LSM2: variants seen among roughly 807,000 people sequenced by gnomAD.
LSM2 encodes U6 snRNA-associated Sm-like protein LSm2.
A neutral mutation model predicts 17.0 loss-of-function variants in LSM2; 12 were observed. The ratio of observed to expected loss-of-function variants is 0.70; its 90% CI spans 0.45 to 1.14. The LOEUF is 1.14. Among genes scored for constraint, LSM2 ranks in the 50% most tolerant of loss-of-function variants. The pLI is 0.00. For missense variants in LSM2, 62 were observed against 111.8 expected (o/e 0.55, Z 2.01); for synonymous variants, 42 against 44.5 (o/e 0.94, Z 0.22).
chr6:31,805,087 CAG>C (rs1814946473), intron 2 of LSM2, among the ~76,000 whole-genome samples: 3 of 148,708 alleles, frequency 2.0e-5, no homozygotes, highest in Admixed American at 1.3e-4. Context: ...TTTTTTGAGA[CAG>C]AGTCTTCCTC....
intron 2 of LSM2, 48 bp from the exon 3 acceptor site, chr6:31,798,555 T>G: frequency 6.2e-7 from 1 of 1,606,302 alleles, no homozygotes; most frequent in Non-Finnish European, 8.5e-7. Flanking sequence ...TATAACAAAG[T>G]CAACATAGAG....
At chr6:31,803,583 CTTT>C (rs777600870) in intron 2 of LSM2, among the ~76,000 whole-genome samples, 1 of 142,144 alleles carries the variant, frequency 7.0e-6, no homozygotes, top group Admixed American at 7.1e-5. Flanking sequence ...TTTAAATGTA[CTTT>C]TTTTTTTTTT....
intron 4 of LSM2, 31 bp from the exon 5 acceptor site, chr6:31,797,913 C>G (rs1189117905): frequency 6.2e-7 from 1 of 1,612,856 alleles, no homozygotes; most frequent in Non-Finnish European, 8.5e-7. Flanking sequence ...ATGAAAACAC[C>G]CTTAAAAATG....
At chr6:31,806,480 G>C (rs1815043118) in intron 1 of LSM2, 2 of 609,424 alleles carry the variant, frequency 3.3e-6, no homozygotes, top group Non-Finnish European at 5.9e-6. Flanking sequence ...CCCTGCCGAA[G>C]CTTGCCTGGC....
At chr6:31,805,362 GTACT>G (rs1357339254) in intron 2 of LSM2, among the ~76,000 whole-genome samples, 1 of 111,772 alleles carries the variant, frequency 8.9e-6, no homozygotes, top group Non-Finnish European at 1.7e-5. Flanking sequence ...GGCCAGCCTA[GTACT>G]TACTTTTTTT....
intron 1 of LSM2, 112 bp from the exon 2 acceptor site, chr6:31,806,254 A>T: frequency 1.0e-6 from 1 of 992,982 alleles, no homozygotes; most frequent in South Asian, 1.4e-5. Context: ...CATCCCTGAC[A>T]GTTCTCAAAA....
intron 2 of LSM2, 92 bp from the exon 3 acceptor site, chr6:31,798,599 G>A (rs1814524756): frequency 7.0e-7 from 1 of 1,434,500 alleles, no homozygotes; most frequent in Admixed American, 1.9e-5. Context: ...ACATGACTGG[G>A]AGAAGTCAAG....
At chr6:31,804,929 G>A (rs542375098) in intron 2 of LSM2, among the ~76,000 whole-genome samples, 3 of 151,866 alleles carry the variant, frequency 2.0e-5, no homozygotes, top group African/African-American at 7.2e-5. Context: ...ACCACGCCTG[G>A]CTAATTTTTT....
At chr6:31,798,733 CTTT>C (rs9281580) in intron 2 of LSM2, among the ~76,000 whole-genome samples, 6 of 89,862 alleles carry the variant, frequency 6.7e-5, no homozygotes, top group East Asian at 6.8e-4. Context: ...CCAATCCATT[CTTT>C]TTTTTTTTTT....
Position 31,797,843 on chromosome 6 carries a change from G to C in LSM2, c.202C>G (p.Arg68Gly), listed in dbSNP as rs1169150618. ...KNCFIRGSVV[R>G]YVQLPADEVD... ...TCATCTGCTGGCAGCTGCACGTATC[G>C]GACCACTGAGCCCCGAATGAAGCAG... Residue 68 changes from arginine to glycine, a missense_variant, in exon 5 of 5, where the codon CGA becomes GGA. Physicochemically the swap from Arg to Gly is moderately radical, Grantham distance 125. Coordinates refer to ENST00000375661, the MANE Select transcript of LSM2 (RefSeq NM_021177.5). 6 of 1,612,740 alleles carry C rather than the reference G, an allele frequency of 3.7e-6. No homozygotes were observed. The highest frequency in any genetic ancestry group is 1.6e-4 in the Middle Eastern group (1 of 6,084).
rs1814479388 is a variant in LSM2 at position 31,797,984 on chromosome 6, A to G, written c.162+6T>C. ...TGTTTCCTCTTCTCCACAGACCCCA[A>G]CTCACCATGTGAGGGTATTTCTCAG... On this transcript the variant is annotated splice_donor_region_variant and intron_variant, in intron 4 of 4. Coordinates refer to ENST00000375661, the MANE Select transcript of LSM2 (RefSeq NM_021177.5). The G allele has an allele frequency of 1.2e-6, 2 of 1,608,206 alleles. No homozygotes were observed. Among genetic ancestry groups the G allele is most frequent in the Non-Finnish European group, 1.7e-6 (2 of 1,177,588 alleles).
Position 31,806,843 on chromosome 6 carries a change from C to G in LSM2, c.-86G>C. The stretch of plus-strand genomic sequence containing the variant: ...CTGGGGAAACCGAAGCGCGAGCCCG[C>G]GCGTGGGGCGAGGCGGGACCGCGCA... On this transcript the variant is annotated 5_prime_UTR_variant, in exon 1 of 5. Transcript: ENST00000375661. 1 of 1,493,676 alleles carries G rather than the reference C, an allele frequency of 6.7e-7. No homozygotes were observed. Among genetic ancestry groups the G allele is most frequent in the South Asian group, 1.3e-5 (1 of 76,276 alleles). 92.5% of individuals were successfully genotyped at this position (1,493,676 alleles called of 1,614,324 possible).
intron 3 of LSM2, 118 bp from the exon 4 acceptor site, chr6:31,798,167 C>T (rs557185449): frequency 8.2e-6 from 8 of 979,956 alleles, no homozygotes; most frequent in South Asian, 6.4e-5. Flanking sequence ...CTGCAATCTC[C>T]GCCTCCTGGG....
chr6:31,805,453 C>T (rs762115135), intron 2 of LSM2, among the ~76,000 whole-genome samples: 1 of 151,756 alleles, frequency 6.6e-6, no homozygotes, highest in Non-Finnish European at 1.5e-5. Flanking sequence ...CAACCTCTGC[C>T]GCCCAGGTTC....
chr6:31,802,045 GC>G (rs1323876685), intron 2 of LSM2, among the ~76,000 whole-genome samples: 1 of 151,980 alleles, frequency 6.6e-6, no homozygotes, highest in East Asian at 1.9e-4. Context: ...ACTTTGGGAG[GC>G]CGAGGCAGGT....
intron 2 of LSM2, among the ~76,000 whole-genome samples, chr6:31,800,293 G>A (rs2151445306): frequency 6.6e-6 from 1 of 152,196 alleles, no homozygotes; most frequent in Admixed American, 6.5e-5. Context: ...GCGAGATCGA[G>A]CCACTGCACT....
chr6:31,806,273 G>GA (rs1360958792), intron 1 of LSM2, 131 bp from the exon 2 acceptor site: 3 of 860,298 alleles, frequency 3.5e-6, no homozygotes, highest in Non-Finnish European at 5.5e-6. Context: ...AATTTCACAG[G>GA]AAAGAATAAT....
Position 31,798,002 on chromosome 6 carries a change from T to C in LSM2, c.150A>G (p.Lys50=). The C allele has an allele frequency of 1.2e-6, 2 of 1,607,556 alleles. No individual in the cohort carries two copies. The highest frequency in any genetic ancestry group is 1.7e-6 in the Non-Finnish European group (2 of 1,177,460). The change falls in exon 4 of 5, where the codon AAA becomes AAG. Residue 50 remains lysine, a synonymous_variant. Transcript: ENST00000375661. ...LTDISVTDPE[K]YPHMLSVKNC... is the part of the protein sequence containing the mutation. ...GACCCCAACTCACCATGTGAGGGTA[T>C]TTCTCAGGGTCTGTGACACTGATGT... is the stretch of plus-strand genomic sequence containing the variant.
chr6:31,798,546 A>C, intron 2 of LSM2, 39 bp from the exon 3 acceptor site: 1 of 1,610,962 alleles, frequency 6.2e-7, no homozygotes. Context: ...AAATTAGTTT[A>C]TAACAAAGTC....
Sources: gnomAD v4.1 joint callset for allele counts (sites outside exome capture counted in the v4.1 genomes callset) on GRCh38, gnomAD v4.1.1 for gene constraint, MANE v1.5 for transcripts, NCBI Gene and HGNC (gene_info 2026-07-23, HGNC 2026-07-21) for gene names.